UBA2: variants seen among roughly 807,000 people sequenced by gnomAD.
UBA2 encodes ubiquitin like modifier activating enzyme 2, also known as SUMO-activating enzyme subunit 2.
UBA2 carries 11 observed loss-of-function variants against 77.2 expected under a neutral mutation model. The ratio of observed to expected loss-of-function variants is 0.14; its 90% confidence interval spans 0.09 to 0.24. The LOEUF is 0.24. Among genes scored for constraint, UBA2 ranks in the 10% least tolerant of loss-of-function variants. The pLI, the probability that UBA2 is intolerant of heterozygous loss-of-function variation, is 1.00. For missense variants in UBA2, 487 were observed against 781.7 expected (o/e 0.62, Z 4.50); for synonymous variants, 278 against 276.7 (o/e 1.00, Z -0.05).
At chr19:34,431,344 C>G (rs1291975177) in intron 2 of UBA2, among the ~76,000 whole-genome samples, 3 of 145,952 alleles carry the variant, frequency 2.1e-5, no homozygotes, top group Admixed American at 1.4e-4. Flanking sequence ...CCTAGAACTC[C>G]TGGCCTCAAG....
intron 7 of UBA2, 144 bp downstream of exon 7, chr19:34,444,055 T>TG (rs1339995840): frequency 1.1e-5 from 5 of 447,626 alleles, no homozygotes; most frequent in African/African-American, 1.1e-4. Flanking sequence ...TTTTTTTTTT[T>TG]TTTTTTTTTT....
intron 14 of UBA2, among the ~76,000 whole-genome samples, chr19:34,461,448 G>C (rs1456009119): frequency 1.3e-5 from 2 of 152,126 alleles, no homozygotes; most frequent in African/African-American, 4.8e-5. Flanking sequence ...TTGGCTGTGT[G>C]GTGCTCTATT....
chr19:34,462,204 G>C (rs1288590219), intron 14 of UBA2, among the ~76,000 whole-genome samples: 2 of 152,196 alleles, frequency 1.3e-5, no homozygotes, highest in Admixed American at 6.5e-5. Flanking sequence ...CAGGGGAGTA[G>C]CAGGGAGCTA....
chr19:34,453,379 T>C (rs557631279), intron 10 of UBA2, among the ~76,000 whole-genome samples: 1 of 152,036 alleles, frequency 6.6e-6, no homozygotes, highest in East Asian at 1.9e-4. Context: ...AAAATACAAA[T>C]CGTAACAGGA....
intron 16 of UBA2, 62 bp from the exon 17 acceptor site, chr19:34,468,978 G>A (rs563033687): frequency 2.4e-4 from 336 of 1,409,500 alleles, no homozygotes; most frequent in Non-Finnish European, 3.0e-4. Flanking sequence ...AGAAAATACA[G>A]GTGAGCACAG....
At chr19:34,429,478 G>C (rs1284248159) in intron 1 of UBA2, among the ~76,000 whole-genome samples, 1 of 152,112 alleles carries the variant, frequency 6.6e-6, no homozygotes, top group East Asian at 1.9e-4. Flanking sequence ...GCAAAAATTA[G>C]ATAAAACTTA....
chr19:34,458,590 A>AAAAAAAAAAAAAAG (rs2075597835), intron 12 of UBA2, 179 bp from the exon 13 acceptor site: 4 of 200,412 alleles, frequency 2.0e-5, no homozygotes, highest in African/African-American at 1.2e-4. Context: ...AAAAAAAAAA[A>AAAAAAAAAAAAAAG]AAGAAGGTTG....
At chr19:34,443,135 AT>A (rs1322435760) in intron 6 of UBA2, among the ~76,000 whole-genome samples, 2 of 152,238 alleles carry the variant, frequency 1.3e-5, no homozygotes, top group African/African-American at 4.8e-5. Context: ...TCATTGCTGA[AT>A]TTCTATCCCC....
chr19:34,431,079 C>G (rs1364974983), intron 2 of UBA2, among the ~76,000 whole-genome samples: 1 of 151,974 alleles, frequency 6.6e-6, no homozygotes, highest in Non-Finnish European at 1.5e-5. Context: ...CATCTTTTCC[C>G]TTTGCCTGTC....
intron 7 of UBA2, among the ~76,000 whole-genome samples, chr19:34,444,425 A>G (rs888232476): frequency 1.3e-5 from 2 of 152,222 alleles, no homozygotes; most frequent in Admixed American, 1.3e-4. Context: ...GAGAAATTTC[A>G]CAAGTCTAGT....
chr19:34,445,250 C>T (rs1038677721), intron 8 of UBA2, 129 bp downstream of exon 8: 3 of 898,492 alleles, frequency 3.3e-6, no homozygotes, highest in Non-Finnish European at 4.9e-6. Context: ...CTTGTGATGT[C>T]CTAATAAAAT....
intron 14 of UBA2, among the ~76,000 whole-genome samples, chr19:34,461,935 C>T (rs904115707): frequency 6.6e-6 from 1 of 152,076 alleles, no homozygotes; most frequent in Non-Finnish European, 1.5e-5. Context: ...AGTGAGGACT[C>T]CCTGGACAAA....
chr19:34,444,967 A>G (rs942400497), intron 7 of UBA2, 33 bp from the exon 8 acceptor site: 2 of 1,598,676 alleles, frequency 1.3e-6, no homozygotes, highest in African/African-American at 2.7e-5. Context: ...TACATTTATT[A>G]CGGTTGAAAA....
At chr19:34,446,830 C>G (rs1289384151) in intron 8 of UBA2, among the ~76,000 whole-genome samples, 1 of 152,014 alleles carries the variant, frequency 6.6e-6, no homozygotes, top group East Asian at 1.9e-4. Flanking sequence ...TGGTCTCGAA[C>G]TCCTACCTCA....
chr19:34,460,606 G>T (rs1239273431), intron 14 of UBA2, 40 bp downstream of exon 14: 2 of 1,406,514 alleles, frequency 1.4e-6, no homozygotes, highest in South Asian at 2.5e-5. Flanking sequence ...TCATTGAGGA[G>T]ACTGCTTGAA....
intron 12 of UBA2, among the ~76,000 whole-genome samples, chr19:34,458,471 A>G (rs970638797): frequency 2.1e-5 from 3 of 145,436 alleles, no homozygotes; most frequent in African/African-American, 7.6e-5. Context: ...GAGGCAGGAG[A>G]ATGGCGTGAA....
intron 10 of UBA2, among the ~76,000 whole-genome samples, chr19:34,453,517 C>CTTTT (rs560242991): frequency 3.9e-5 from 5 of 127,328 alleles, no homozygotes; most frequent in African/African-American, 5.9e-5. Flanking sequence ...AATGAAACAG[C>CTTTT]TTTTTTTTTT....
chr19:34,447,375 C>T (rs1223080146), intron 8 of UBA2, among the ~76,000 whole-genome samples: 2 of 152,186 alleles, frequency 1.3e-5, no homozygotes, highest in African/African-American at 4.8e-5. Context: ...TTGCATCTTT[C>T]AATCCAATCA....
intron 6 of UBA2, among the ~76,000 whole-genome samples, chr19:34,440,435 A>T (rs1392276630): frequency 6.6e-6 from 1 of 152,228 alleles, no homozygotes; most frequent in African/African-American, 2.4e-5. Context: ...GATTCATTTC[A>T]CAAAACTTGC....
Sources: gnomAD v4.1 joint callset for allele counts (sites outside exome capture counted in the v4.1 genomes callset) on GRCh38, gnomAD v4.1.1 for gene constraint, MANE v1.5 for transcripts, NCBI Gene and HGNC (gene_info 2026-07-23, HGNC 2026-07-21) for gene names.